The following PCDH9 variants were observed in gnomAD, a reference collection of about 807,000 sequenced individuals.
PCDH9 encodes protocadherin 9, also known as protocadherin-9.
A neutral mutation model predicts 70.6 loss-of-function variants in PCDH9; 24 were observed. The observed-to-expected ratio is 0.34, with a 90% confidence interval of 0.25 to 0.48. The LOEUF (loss-of-function observed/expected upper bound fraction) is 0.48, where lower values mean the gene tolerates loss of function less well. Ranked by LOEUF, PCDH9 falls within the 20% of genes least tolerant of loss-of-function variation. The pLI is 0.99. For missense variants in PCDH9, 1,281 were observed against 1,503.6 expected (o/e 0.85, Z 2.45); for synonymous variants, 562 against 558.5 (o/e 1.01, Z -0.09).
At position 67,060,957 on chromosome 13, in the gene PCDH9, T is replaced by C. The variant is rs118150322; in HGVS notation, c.3037-157352A>G. Among the ~76,000 whole-genome samples, 74 of 152,248 alleles carry C rather than the reference T, an allele frequency of 4.9e-4. 1 individual carries two copies. The East Asian group carries it at 0.014, about 29-fold the overall frequency. On this transcript the variant is annotated intron_variant, in intron 2 of 4. Transcript: ENST00000377865. ...AGTACTTTATTTGACAAATAAATTC[T>C]GGTTTGTCCTATTTTTAAAAATCAT...
At chr13:66,389,161 G>A (rs866448973) in intron 4 of PCDH9, among the ~76,000 whole-genome samples, 1 of 151,964 alleles carries the variant, frequency 6.6e-6, no homozygotes, top group Non-Finnish European at 1.5e-5. Context: ...AGAAATTCAC[G>A]ATTTCAAATC....
At position 66,460,311 on chromosome 13, in the gene PCDH9, T is replaced by G. The variant is rs1374544753; in HGVS notation, c.3341-155283A>C. The stretch of plus-strand genomic sequence containing the variant: ...GATATCTAAATGCAGAACTGCTACC[T>G]TTTCTAATTTGAAGAGCTTTATCAG... On this transcript the variant is annotated intron_variant, in intron 4 of 4. Transcript: ENST00000377865. 2.0e-5 allele frequency among the ~76,000 whole-genome samples: 3 copies of G among 151,926 alleles called. No individual in the cohort carries two copies. In the East Asian group the frequency reaches 5.8e-4, roughly 29 times the overall value.
intron 4 of PCDH9, among the ~76,000 whole-genome samples, chr13:66,566,243 T>A (rs558955849): frequency 9.8e-5 from 15 of 152,302 alleles, no homozygotes; most frequent in Non-Finnish European, 2.1e-4. Flanking sequence ...TGCTTGTTTT[T>A]ATACAAGAAA....
intron 3 of PCDH9, among the ~76,000 whole-genome samples, chr13:66,822,162 A>ACAC (rs1491313383): frequency 1.5e-4 from 23 of 148,694 alleles, no homozygotes; most frequent in African/African-American, 5.7e-4. Flanking sequence ...ACACACACTC[A>ACAC]TATATAGACA....
chr13:66,837,579 T>C (rs2139421982), intron 3 of PCDH9, among the ~76,000 whole-genome samples: 1 of 152,280 alleles, frequency 6.6e-6, no homozygotes, highest in East Asian at 1.9e-4. Flanking sequence ...TTCCCTTCTC[T>C]AAATTAAGTA....
At chr13:67,069,477 A>G (rs2085715856) in intron 2 of PCDH9, among the ~76,000 whole-genome samples, 1 of 152,186 alleles carries the variant, frequency 6.6e-6, no homozygotes, top group Non-Finnish European at 1.5e-5. Flanking sequence ...ATAATCTACT[A>G]ACAAACAAAA....
At chr13:66,628,753 A>G in intron 4 of PCDH9, among the ~76,000 whole-genome samples, 1 of 152,226 alleles carries the variant, frequency 6.6e-6, no homozygotes, top group East Asian at 1.9e-4. Flanking sequence ...ATTTCTTATA[A>G]GAGTCAACAA....
chr13:66,884,463 C>T (rs1594205041), intron 3 of PCDH9, among the ~76,000 whole-genome samples: 1 of 152,118 alleles, frequency 6.6e-6, no homozygotes, highest in Admixed American at 6.5e-5. Context: ...TTGAAAGAAT[C>T]TTGTGAGTTA....
chr13:66,722,737 G>A (rs926007603), intron 3 of PCDH9, among the ~76,000 whole-genome samples: 4 of 152,106 alleles, frequency 2.6e-5, no homozygotes, highest in African/African-American at 7.2e-5. Context: ...GGAGGCAGAG[G>A]CAGGCTGATC....
chr13:66,713,584 T>C (rs1286473996), intron 3 of PCDH9, among the ~76,000 whole-genome samples: 1 of 143,398 alleles, frequency 7.0e-6, no homozygotes, highest in Non-Finnish European at 1.5e-5. Context: ...TATATATATA[T>C]AAATTGTGTT....
intron 4 of PCDH9, among the ~76,000 whole-genome samples, chr13:66,514,489 CAAA>C (rs57990200): frequency 5.3e-5 from 7 of 132,780 alleles, no homozygotes; most frequent in Admixed American, 1.5e-4. Context: ...GGAGTGAATT[CAAA>C]AAAAAAAAAA....
At chr13:66,560,738 C>T (rs1566417398) in intron 4 of PCDH9, among the ~76,000 whole-genome samples, 1 of 152,216 alleles carries the variant, frequency 6.6e-6, no homozygotes, top group Non-Finnish European at 1.5e-5. Flanking sequence ...TGCCCCTGGG[C>T]TGTAACTTAA....
intron 4 of PCDH9, among the ~76,000 whole-genome samples, chr13:66,578,353 T>G (rs2076843269): frequency 6.6e-6 from 1 of 152,046 alleles, no homozygotes; most frequent in Admixed American, 6.6e-5. Flanking sequence ...ATTGTCTGAC[T>G]TCAAACAAAT....
chr13:66,310,556 A>T (rs758777167), intron 4 of PCDH9, among the ~76,000 whole-genome samples: 1 of 152,020 alleles, frequency 6.6e-6, no homozygotes, highest in South Asian at 2.1e-4. Flanking sequence ...CGACCTTTCA[A>T]TCTCATTATT....
At chr13:66,726,413 C>T (rs1469037934) in intron 3 of PCDH9, among the ~76,000 whole-genome samples, 1 of 152,104 alleles carries the variant, frequency 6.6e-6, no homozygotes, top group South Asian at 2.1e-4. Context: ...AAGAAGCATA[C>T]AAACTCAGAG....
chr13:66,602,350 G>A (rs964920296), intron 4 of PCDH9, among the ~76,000 whole-genome samples: 2 of 146,138 alleles, frequency 1.4e-5, no homozygotes, highest in African/African-American at 4.9e-5. Context: ...GTTATTATAG[G>A]AGATAACAGC....
chr13:66,904,991 C>CT (rs1231068321), intron 2 of PCDH9, among the ~76,000 whole-genome samples: 2 of 151,830 alleles, frequency 1.3e-5, no homozygotes, highest in Non-Finnish European at 2.9e-5. Context: ...CAAAACTTAC[C>CT]TCCTCTAGCA....
chr13:66,573,380 T>C (rs1308679455), intron 4 of PCDH9, among the ~76,000 whole-genome samples: 2 of 152,068 alleles, frequency 1.3e-5, no homozygotes, highest in African/African-American at 2.4e-5. Flanking sequence ...CTATACATTG[T>C]TTCTTCACTC....
At chr13:66,614,317 C>T (rs1478939958) in intron 4 of PCDH9, among the ~76,000 whole-genome samples, 1 of 152,126 alleles carries the variant, frequency 6.6e-6, no homozygotes, top group Non-Finnish European at 1.5e-5. Flanking sequence ...AAGAGGTTCT[C>T]TGTGTGAACA....
Sources: allele counts gnomAD v4.1 joint callset (sites outside exome capture counted in the v4.1 genomes callset), GRCh38; gene constraint gnomAD v4.1.1; transcripts MANE v1.5; gene names NCBI Gene and HGNC (gene_info 2026-07-23, HGNC 2026-07-21).